DOCK6: variants seen among roughly 807,000 people sequenced by gnomAD.
DOCK6 encodes the protein dedicator of cytokinesis protein 6.
A neutral mutation model predicts 230.3 loss-of-function variants in DOCK6; 167 were observed. That is an observed-to-expected ratio of 0.73 (90% CI 0.64 to 0.82). The LOEUF is 0.82. DOCK6 is among the 40% of genes least tolerant of loss of function. The probability of loss-of-function intolerance (pLI) is 0.00; values close to 1 mark genes in which losing one functional copy is unlikely to be tolerated. For missense variants in DOCK6, 2,598 were observed against 2,825.8 expected, an observed-to-expected ratio of 0.92 and a Z score of 1.83; for synonymous variants, 1,148 against 1,185.0, an observed-to-expected ratio of 0.97 and a Z score of 0.64.
In DOCK6 at chr19:11,201,905, A is replaced by C; in HGVS notation, c.5672T>G (p.Val1891Gly). The change falls in exon 44 of 48, where the codon GTG (valine) becomes GGG (glycine). Residue 1891 changes from valine to glycine, a missense_variant. Coordinates refer to ENST00000294618, the MANE Select transcript of DOCK6 (RefSeq NM_020812.4). The surrounding 1 kb of genome is among the most constrained non-coding windows in gnomAD (Gnocchi z 4.3). ...AFPYIKTRIR[V>G]CHREETVLTP... ...CCCACCCACCTCCTCCCGGTGGCAC[A>C]CACGGATGCGAGTCTTGATGTAGGG... The C allele has an allele frequency of 6.5e-7, 1 of 1,550,228 alleles. No homozygotes were observed.
chr19:11,223,093 G>A lies in DOCK6; in HGVS notation c.2969C>T (p.Ala990Val), dbSNP rs748650688. The change falls in exon 25 of 48, where the codon GCC (alanine) becomes GTC (valine). Residue 990 changes from alanine to valine, a missense_variant. Transcript: ENST00000294618. ...ITRVHKDVELAEHLNASLAFF... is the reference protein window; with the variant it reads ...ITRVHKDVELVEHLNASLAFF... ...AGCCAGGCTGGCGTTGAGGTGCTCG[G>A]CCAGCTCCACATCCTGGGGACACAG... 8.1e-6 allele frequency: 13 copies of A among 1,613,144 alleles called. No homozygotes were observed. The East Asian group carries it at 1.1e-4, about 14-fold the overall frequency.
rs965131121 is a variant in DOCK6 at position 11,215,433 on chromosome 19, G to A, written c.4060C>T (p.Arg1354Trp). 12 of 1,613,602 alleles carry A rather than the reference G, an allele frequency of 7.4e-6. No homozygotes were observed. The highest frequency in any genetic ancestry group is 1.6e-4 in the Middle Eastern group (1 of 6,062). Residue 1354 changes from arginine to tryptophan, a missense_variant, in exon 32 of 48, where the codon CGG becomes TGG. Physicochemically the swap from Arg to Trp is moderately radical, Grantham distance 101. Transcript: ENST00000294618. ...PFGNPENVRW[R>W]KSVTHWKQTS... Reference sequence around the variant, plus strand: ...TGCTTCCAGTGTGTGACGCTCTTCCGCCAGCGCACATTCTCCGGATTCCCA... The same window carrying A: ...TGCTTCCAGTGTGTGACGCTCTTCCACCAGCGCACATTCTCCGGATTCCCA...
In DOCK6 at chr19:11,248,106, G is replaced by A; in HGVS notation, c.766C>T (p.His256Tyr). 3 of 1,612,710 alleles carry A rather than the reference G, an allele frequency of 1.9e-6. No individual in the cohort carries two copies. The highest frequency in any genetic ancestry group is 2.5e-6 in the Non-Finnish European group (3 of 1,179,492). Residue 256 changes from histidine (H) to tyrosine (Y), a missense_variant, in exon 7 of 48, where the codon CAC becomes TAC. Physicochemically the swap from His to Tyr is moderately conservative, Grantham distance 83 (BLOSUM62 2). Transcript: ENST00000294618. ...TTGACCAAGATCCTTTGTCCAAAGT[G>A]CTCGCGGGGTGGCTCTGGGCGGCTA... ...RCSRPEPPRE[H>Y]FGQRILVKCL...
At chr19:11,221,046 G>C (rs1417013547) in intron 28 of DOCK6, 3 of 151,994 alleles carry the variant, frequency 2.0e-5, no homozygotes, top group African/African-American at 7.3e-5. Flanking sequence ...GGATGGTCTC[G>C]ATCTCCTGAC....
In DOCK6 at chr19:11,262,393, C is replaced by A; in HGVS notation, c.44+4G>T. 7.8e-7 allele frequency: 1 copy of A among 1,283,882 alleles called. No homozygotes were observed. Among genetic ancestry groups the A allele is most frequent in the Non-Finnish European group, 9.9e-7 (1 of 1,014,322 alleles). 79.5% of individuals were successfully genotyped at this position (1,283,882 alleles called of 1,614,324 possible). The stretch of plus-strand genomic sequence containing the variant: ...GGTGGGAGGGGGCCCCGCGGCCACA[C>A]TACCTGTTGATCTTGTGCGCGAAGG... On this transcript the variant is annotated splice_donor_region_variant and intron_variant, in intron 1 of 47. Coordinates refer to ENST00000294618, the MANE Select transcript of DOCK6 (RefSeq NM_020812.4).
At chr19:11,217,151 C>A in intron 29 of DOCK6, 55 bp from the exon 30 acceptor site, 1 of 1,597,030 alleles carries the variant, frequency 6.3e-7, no homozygotes. Flanking sequence ...TGAGATGAAT[C>A]CTGGCCAATC....
rs1252054784 is a variant in DOCK6, at chr19:11,214,617, A to G, written c.4139T>C (p.Val1380Ala). 2 of 1,613,696 alleles carry G rather than the reference A, an allele frequency of 1.2e-6. No homozygotes were observed. The highest frequency in any genetic ancestry group is 8.5e-7 in the Non-Finnish European group (1 of 1,179,840). ...TKDEMEHEAL[V>A]EGNLATEASL... ...TGCCTCGGTTGCCAGGTTCCCTTCCACCAAGGCCTCGTGTTCCATTTCATC... is the reference window on the plus strand; with the variant it reads ...TGCCTCGGTTGCCAGGTTCCCTTCCGCCAAGGCCTCGTGTTCCATTTCATC... Residue 1380 changes from valine (V) to alanine (A), a missense_variant, in exon 33 of 48, where the codon GTG (valine) becomes GCG (alanine). Coordinates refer to ENST00000294618, the MANE Select transcript of DOCK6 (RefSeq NM_020812.4).
intron 14 of DOCK6, among the ~76,000 whole-genome samples, chr19:11,240,582 CTT>C (rs869249463): frequency 2.7e-4 from 37 of 136,236 alleles, no homozygotes; most frequent in Non-Finnish European, 2.6e-4. Flanking sequence ...TCAATAAATT[CTT>C]TTTTTTTTTT....
rs571250232 is a variant in DOCK6 at position 11,215,589 on chromosome 19, G to A, written c.4022-118C>T. On this transcript the variant is annotated intron_variant, in intron 31 of 47. Transcript: ENST00000294618. ...GGGCTGACCCATGAGGGCACTGGGT[G>A]GAGCAGAAGCCTGCCGGGTGGACGC... The A allele has an allele frequency of 4.7e-4, 606 of 1,290,916 alleles. 1 individual carries two copies. The African/African-American group carries it at 7.3e-3, about 16-fold the overall frequency. The allele number at this position is 1,290,916 out of a possible 1,614,324, so 80.0% of individuals were successfully genotyped here. A position where few individuals can be genotyped will look rare whatever the true frequency, so the allele number is the denominator to read the frequency against.
At position 11,243,509 on chromosome 19, in the gene DOCK6, G is replaced by A. The variant is rs539356599; in HGVS notation, c.1258+48C>T. On this transcript the variant is annotated intron_variant, in intron 11 of 47. Coordinates refer to ENST00000294618, the MANE Select transcript of DOCK6 (RefSeq NM_020812.4). This position sits in a 1 kb window ranked among gnomAD's most constrained non-coding sequence, Gnocchi z 6.3. ...CCGTAGCCCCGCCCCAGGCCTGTCA[G>A]CACCACCCTTTAGCCCCGCCCCAAG... The A allele has an allele frequency of 5.9e-5, 92 of 1,555,158 alleles. 1 individual carries two copies. In the South Asian group the frequency reaches 1.1e-3, roughly 18 times the overall value.
intron 1 of DOCK6, chr19:11,253,936 G>T (rs2080161260): frequency 4.3e-6 from 2 of 468,822 alleles, no homozygotes; most frequent in Admixed American, 4.5e-5. Context: ...TGAGAATGCT[G>T]CCACCAGTGG....
In DOCK6 at chr19:11,237,463, G is replaced by A. The variant is rs760261462; in HGVS notation, c.2066C>T (p.Thr689Ile). ...GAGCTCCAGGGCACATACATCGGGT[G>A]TGAGCACGGAATAGCTGGGCGGCGG... ...DQPPPSYSVL[T>I]PDVALPGMRW... is the part of the protein sequence containing the mutation. The change falls in exon 18 of 48, where the codon ACA (threonine) becomes ATA (isoleucine). Residue 689 changes from threonine (T) to isoleucine (I), a missense_variant. By Grantham distance (89) the Thr-to-Ile change is moderately conservative. Transcript: ENST00000294618. 41 of 1,613,486 alleles carry A rather than the reference G, an allele frequency of 2.5e-5. No individual in the cohort carries two copies. The highest frequency in any genetic ancestry group is 3.4e-5 in the Non-Finnish European group (40 of 1,179,842).
In DOCK6 at chr19:11,238,074, C is replaced by G; in HGVS notation, c.1803G>C (p.Glu601Asp). 6.2e-7 allele frequency: 1 copy of G among 1,613,910 alleles called. No homozygotes were observed. Residue 601 changes from glutamate to aspartate, a missense_variant, in exon 16 of 48, where the codon GAG (glutamate) becomes GAC (aspartate). Glu to Asp is a conservative substitution (Grantham distance 45). Transcript: ENST00000294618. The part of the protein sequence containing the change: ...GKSSCSEFTR[E>D]AFTPVVYHNK... The stretch of plus-strand genomic sequence containing the variant: ...TATGGTAGACCACCGGTGTGAAGGC[C>G]TCGCGGGTAAATTCACTGCAGCTGG...
chr19:11,236,725 G>A lies in DOCK6; in HGVS notation c.2160+68C>T. On this transcript the variant is annotated intron_variant, in intron 19 of 47. Coordinates refer to ENST00000294618, the MANE Select transcript of DOCK6 (RefSeq NM_020812.4). The surrounding 1 kb of genome is among the most constrained non-coding windows in gnomAD (Gnocchi z 5.2). ...CAGACCTCCCCGGCCATCGGCAACTGTTACTCAATCGTAGGGCAGGCAAGA... is the reference window on the plus strand; with the variant it reads ...CAGACCTCCCCGGCCATCGGCAACTATTACTCAATCGTAGGGCAGGCAAGA... 6.5e-7 allele frequency: 1 copy of A among 1,538,968 alleles called. No homozygotes were observed.
In DOCK6 at chr19:11,237,507, G is replaced by A; in HGVS notation, c.2022C>T (p.Leu674=). The A allele has an allele frequency of 1.2e-6, 2 of 1,613,346 alleles. No homozygotes were observed. The highest frequency in any genetic ancestry group is 1.7e-6 in the Non-Finnish European group (2 of 1,179,752). ...GCGGCGGCTGGTCCACAGACACTGGGAGACAGAAGGGGCCGGTCCTCAGGC... is the reference window on the plus strand; with the variant it reads ...GCGGCGGCTGGTCCACAGACACTGGAAGACAGAAGGGGCCGGTCCTCAGGC... ...HGRLRTGPFC[L]PVSVDQPPPS... Residue 674 remains leucine (L), a synonymous_variant, in exon 18 of 48, where the codon CTC becomes CTT. Transcript: ENST00000294618.
intron 1 of DOCK6, among the ~76,000 whole-genome samples, chr19:11,257,152 A>AATT (rs35111959): frequency 0.79 from 116,402 of 146,592 alleles, 46,598 homozygotes; most frequent in East Asian, 0.88. Flanking sequence ...ATGCTTGGCT[A>AATT]ATTATTATTA....
rs1301578948 is a variant in DOCK6, at chr19:11,243,791, C to T, written c.1104+11G>A. 2 of 1,613,246 alleles carry T rather than the reference C, an allele frequency of 1.2e-6. No individual in the cohort carries two copies. The highest frequency in any genetic ancestry group is 3.3e-5 in the Admixed American group (2 of 59,872). ...GATCTGTTGCCCCTAGTCCAGCCTC[C>T]ACACGCTTACCTTGGCTGTGTCCAC... On this transcript the variant is annotated intron_variant, in intron 10 of 47. Coordinates refer to ENST00000294618, the MANE Select transcript of DOCK6 (RefSeq NM_020812.4). This position sits in a 1 kb window ranked among gnomAD's most constrained non-coding sequence, Gnocchi z 6.3.
Position 11,204,286 on chromosome 19 carries a change from G to A in DOCK6, c.5134C>T (p.Pro1712Ser). The A allele has an allele frequency of 6.2e-7, 1 of 1,608,376 alleles. No individual in the cohort carries two copies. Among genetic ancestry groups the A allele is most frequent in the Non-Finnish European group, 8.5e-7 (1 of 1,177,440 alleles). Residue 1712 changes from proline to serine, a missense_variant, in exon 40 of 48, where the codon CCC becomes TCC. Pro to Ser is a moderately conservative substitution (Grantham distance 74). Coordinates refer to ENST00000294618, the MANE Select transcript of DOCK6 (RefSeq NM_020812.4). ...TAGTCACGGTGGGCTTCCAGGATGG[G>A]GATGAGGTTCTTGTAGACCTCATTC... The part of the protein sequence containing the change: ...AVNEVYKNLI[P>S]ILEAHRDYKK...
rs1197154473 is a variant in DOCK6 at position 11,259,923 on chromosome 19, A to G, written c.44+2474T>C. Among the ~76,000 whole-genome samples the G allele has an allele frequency of 1.1e-3, 93 of 86,164 alleles. No individual in the cohort carries two copies. In the Middle Eastern group the frequency reaches 0.05, roughly 46 times the overall value. The allele number at this position is 86,164 out of a possible 152,430, so 56.5% of individuals were successfully genotyped here. Reference sequence around the variant, plus strand: ...TTTTGAGACAGAGTCTTACTCTGTCACCCAGGCTGGAGTGCAGTGGCACGA... The same window carrying G: ...TTTTGAGACAGAGTCTTACTCTGTCGCCCAGGCTGGAGTGCAGTGGCACGA... On this transcript the variant is annotated intron_variant, in intron 1 of 47. Coordinates refer to ENST00000294618, the MANE Select transcript of DOCK6 (RefSeq NM_020812.4).
Sources: allele counts gnomAD v4.1 joint callset (sites outside exome capture counted in the v4.1 genomes callset), GRCh38; gene constraint gnomAD v4.1.1; non-coding constraint Gnocchi (gnomAD v3.1); transcripts MANE v1.5; gene names NCBI Gene and HGNC (gene_info 2026-07-23, HGNC 2026-07-21).